LPGAT1: variants seen among roughly 807,000 people sequenced by gnomAD.
LPGAT1 encodes acyl-CoA:lysophosphatidylglycerol acyltransferase 1.
LPGAT1 carries 11 observed loss-of-function variants against 47.5 expected under a neutral mutation model. The ratio of observed to expected loss-of-function variants is 0.23; its 90% CI spans 0.15 to 0.38. LPGAT1 has a LOEUF of 0.38. Among genes scored for constraint, LPGAT1 ranks in the 10% least tolerant of loss-of-function variants. The probability of loss-of-function intolerance (pLI) is 1.00; values close to 1 mark genes in which losing one functional copy is unlikely to be tolerated. For synonymous variants in LPGAT1, 138 were observed against 144.2 expected (o/e 0.96, Z 0.31); for missense variants, 293 against 439.0 (o/e 0.67, Z 2.97).
At chr1:211,796,304 T>C (rs1180991750) in intron 2 of LPGAT1, among the ~76,000 whole-genome samples, 2 of 152,150 alleles carry the variant, frequency 1.3e-5, no homozygotes, top group African/African-American at 4.8e-5. Flanking sequence ...CATACTGGAT[T>C]AGGGTGGGCC....
intron 6 of LPGAT1, among the ~76,000 whole-genome samples, chr1:211,767,296 G>C: frequency 6.6e-6 from 1 of 152,048 alleles, no homozygotes; most frequent in East Asian, 1.9e-4. Flanking sequence ...ATGTCACCAT[G>C]CCCAGCTAAT....
intron 4 of LPGAT1, among the ~76,000 whole-genome samples, chr1:211,784,805 T>C (rs1285158467): frequency 1.7e-5 from 1 of 58,852 alleles, no homozygotes; most frequent in East Asian, 7.6e-3. Flanking sequence ...AGGTTCTTTC[T>C]TTTTTTTTTT....
intron 6 of LPGAT1, among the ~76,000 whole-genome samples, chr1:211,770,341 G>A (rs773436712): frequency 1.2e-4 from 18 of 152,138 alleles, no homozygotes; most frequent in Non-Finnish European, 2.2e-4. Flanking sequence ...ATATTGATGA[G>A]TAAAAAATAG....
intron 6 of LPGAT1, among the ~76,000 whole-genome samples, chr1:211,770,182 C>T (rs1318675274): frequency 2.6e-5 from 4 of 152,132 alleles, no homozygotes; most frequent in African/African-American, 9.7e-5. Context: ...TACAAAATAT[C>T]TTGCAGTAAT....
At chr1:211,800,533 A>G (rs1203867800) in intron 2 of LPGAT1, among the ~76,000 whole-genome samples, 2 of 152,244 alleles carry the variant, frequency 1.3e-5, no homozygotes, top group Admixed American at 6.5e-5. Flanking sequence ...ACTGGGAATT[A>G]ACTTTCACTG....
chr1:211,791,774 C>CAAAAA (rs78791498), intron 3 of LPGAT1, among the ~76,000 whole-genome samples: 1 of 121,762 alleles, frequency 8.2e-6, no homozygotes, highest in Non-Finnish European at 1.8e-5. Flanking sequence ...AACAAACAAA[C>CAAAAA]AAAAAAAAAA....
Position 211,783,261 on chromosome 1 carries a change from C to G in LPGAT1, c.695G>C (p.Gly232Ala). 1 of 1,612,842 alleles carries G rather than the reference C, an allele frequency of 6.2e-7. No individual in the cohort carries two copies. The highest frequency in any genetic ancestry group is 8.5e-7 in the Non-Finnish European group (1 of 1,178,884). The part of the protein sequence containing the change: ...LNALVAQQKN[G>A]SPAGGDAKEL... ...TTTAGCATCTCCTCCTGCTGGACTT[C>G]CATTTTTCTGTTGTGCTACAAGTGC... The change falls in exon 5 of 8, where the codon GGA becomes GCA. Residue 232 changes from glycine (G) to alanine (A), a missense_variant. Physicochemically the swap from Gly to Ala is moderately conservative, Grantham distance 60. Coordinates refer to ENST00000366997, the MANE Select transcript of LPGAT1 (RefSeq NM_014873.3).
At chr1:211,755,229 T>C (rs1033863567) in intron 6 of LPGAT1, among the ~76,000 whole-genome samples, 1 of 151,412 alleles carries the variant, frequency 6.6e-6, no homozygotes, top group Non-Finnish European at 1.5e-5. Context: ...TCCCAGCTAC[T>C]TGGGAGGCTG....
At chr1:211,791,361 T>G (rs1367434716) in intron 3 of LPGAT1, among the ~76,000 whole-genome samples, 1 of 152,210 alleles carries the variant, frequency 6.6e-6, no homozygotes, top group Non-Finnish European at 1.5e-5. Flanking sequence ...CTACTCATCC[T>G]TCAAGGCCAA....
chr1:211,770,058 C>T lies in LPGAT1; in HGVS notation c.854+8860G>A, dbSNP rs183678894. Among the ~76,000 whole-genome samples, 530 of 152,158 alleles carry T rather than the reference C, an allele frequency of 3.5e-3. 1 individual carries two copies. The highest frequency in any genetic ancestry group is 0.011 in the African/African-American group (471 of 41,508). On this transcript the variant is annotated intron_variant, in intron 6 of 7. Transcript: ENST00000366997. The stretch of plus-strand genomic sequence containing the variant: ...AAATAAAAATCTGTTAAGTATATTC[C>T]TTTGAAGAATACATGATATTTTTAA...
intron 6 of LPGAT1, among the ~76,000 whole-genome samples, chr1:211,759,961 A>T (rs752831838): frequency 1.1e-4 from 16 of 152,250 alleles, no homozygotes; most frequent in Non-Finnish European, 1.9e-4. Context: ...TTGCTATATT[A>T]TCTTTATAAA....
intron 6 of LPGAT1, among the ~76,000 whole-genome samples, chr1:211,756,861 TTTTTTTTTTCTCTC>T (rs1558254301): frequency 6.6e-6 from 1 of 151,078 alleles, no homozygotes; most frequent in African/African-American, 2.4e-5. Flanking sequence ...TGCTTTGTTT[TTTTTTTTTTCTCTC>T]TTTTTTTTTT....
At chr1:211,787,523 G>A (rs1217987655) in intron 4 of LPGAT1, 109 bp downstream of exon 4, 4 of 530,604 alleles carry the variant, frequency 7.5e-6, no homozygotes, top group Non-Finnish European at 1.0e-5. Flanking sequence ...CCCTAAGACT[G>A]GTTAGAAGCA....
At chr1:211,812,376 C>T (rs1277064054) in intron 2 of LPGAT1, among the ~76,000 whole-genome samples, 3 of 152,186 alleles carry the variant, frequency 2.0e-5, no homozygotes, top group Admixed American at 1.3e-4. Flanking sequence ...TTAATGTAAG[C>T]ATATGACACA....
At chr1:211,819,137 G>C (rs1660277805) in intron 2 of LPGAT1, among the ~76,000 whole-genome samples, 1 of 152,110 alleles carries the variant, frequency 6.6e-6, no homozygotes, top group Admixed American at 6.6e-5. Context: ...AATACAGATA[G>C]CAACAAGGAG....
chr1:211,805,740 G>A (rs1446612490), intron 2 of LPGAT1, among the ~76,000 whole-genome samples: 1 of 152,088 alleles, frequency 6.6e-6, no homozygotes, highest in Admixed American at 6.6e-5. Context: ...AATACAAACT[G>A]TATGCAATCT....
intron 2 of LPGAT1, among the ~76,000 whole-genome samples, chr1:211,794,945 G>T (rs561584117): frequency 6.6e-6 from 1 of 152,082 alleles, no homozygotes; most frequent in African/African-American, 2.4e-5. Context: ...TGTACACAAG[G>T]CTACTCACTG....
intron 6 of LPGAT1, among the ~76,000 whole-genome samples, chr1:211,759,372 T>C (rs1295012198): frequency 6.6e-6 from 1 of 152,186 alleles, no homozygotes; most frequent in Non-Finnish European, 1.5e-5. Context: ...GGTGCACATA[T>C]ACCATACCCA....
In LPGAT1 at chr1:211,807,247, C is replaced by T. The variant is rs114936367; in HGVS notation, c.239-14057G>A. Among the ~76,000 whole-genome samples the T allele has an allele frequency of 6.5e-3, 990 of 152,090 alleles. 11 individuals are homozygous for T. Among genetic ancestry groups the T allele is most frequent in the African/African-American group, 0.023 (940 of 41,494 alleles). On this transcript the variant is annotated intron_variant, in intron 2 of 7. Coordinates refer to ENST00000366997, the MANE Select transcript of LPGAT1 (RefSeq NM_014873.3). Reference sequence around the variant, plus strand: ...GATCTATATACTCAAAACTACCAAACGCTGAGAAAGAAATCAAAAAAGCTC... The same window carrying T: ...GATCTATATACTCAAAACTACCAAATGCTGAGAAAGAAATCAAAAAAGCTC...
Sources: allele counts gnomAD v4.1 joint callset (sites outside exome capture counted in the v4.1 genomes callset), GRCh38; gene constraint gnomAD v4.1.1; transcripts MANE v1.5; gene names NCBI Gene and HGNC (gene_info 2026-07-23, HGNC 2026-07-21).